AKAP13: variants seen among roughly 807,000 people sequenced by gnomAD.
AKAP13 encodes A-kinase anchor protein 13.
In AKAP13, 80 loss-of-function variants were observed where a neutral mutation model predicts 264.5. That is an observed-to-expected ratio of 0.30 (90% CI 0.25 to 0.36). The LOEUF is 0.36. Ranked by LOEUF, AKAP13 falls within the 10% of genes least tolerant of loss-of-function variation. AKAP13 has a pLI of 1.00. For missense variants in AKAP13, 3,712 were observed against 3,435.2 expected, an observed-to-expected ratio of 1.08 and a Z score of -2.01; for synonymous variants, 1,380 against 1,250.2, an observed-to-expected ratio of 1.10 and a Z score of -2.19.
intron 8 of AKAP13, among the ~76,000 whole-genome samples, chr15:85,598,891 T>C (rs2079934891): frequency 6.6e-6 from 1 of 152,228 alleles, no homozygotes; most frequent in Admixed American, 6.5e-5. Flanking sequence ...ACAGCATTGC[T>C]TGCCTTAAAA....
chr15:85,467,877 C>T (rs2074808402), intron 1 of AKAP13, among the ~76,000 whole-genome samples: 2 of 152,220 alleles, frequency 1.3e-5, no homozygotes, highest in African/African-American at 4.8e-5. Flanking sequence ...TCAGGGTGTG[C>T]TCTCTGTCCT....
chr15:85,450,372 G>C (rs2074044430), intron 1 of AKAP13, among the ~76,000 whole-genome samples: 1 of 151,754 alleles, frequency 6.6e-6, no homozygotes, highest in Non-Finnish European at 1.5e-5. Context: ...CTTCAGTTCA[G>C]CTCTGATTTT....
chr15:85,641,309 G>A (rs1052443364), intron 9 of AKAP13, among the ~76,000 whole-genome samples: 1 of 151,178 alleles, frequency 6.6e-6, no homozygotes, highest in African/African-American at 2.4e-5. Flanking sequence ...AGCCGGGTGT[G>A]GTGGCACGCC....
At chr15:85,630,160 A>AACACAC in intron 8 of AKAP13, among the ~76,000 whole-genome samples, 1 of 112,366 alleles carries the variant, frequency 8.9e-6, no homozygotes, top group South Asian at 3.0e-4. Context: ...TCTGTTTTTT[A>AACACAC]ACACATACAC....
chr15:85,538,621 C>G (rs1476967842), intron 4 of AKAP13, among the ~76,000 whole-genome samples: 1 of 150,454 alleles, frequency 6.6e-6, no homozygotes, highest in African/African-American at 2.4e-5. Context: ...TCCCGAGTAG[C>G]CGGGACTACA....
chr15:85,455,765 T>C (rs1446647830), intron 1 of AKAP13, among the ~76,000 whole-genome samples: 1 of 152,174 alleles, frequency 6.6e-6, no homozygotes, highest in Non-Finnish European at 1.5e-5. Context: ...AATTTGTGTC[T>C]GACACCGAGA....
chr15:85,561,122 A>G (rs533497403), intron 5 of AKAP13, among the ~76,000 whole-genome samples: 43 of 147,190 alleles, frequency 2.9e-4, no homozygotes, highest in African/African-American at 1.0e-3. Context: ...CAACGGCGCA[A>G]TCTCGGCTCA....
chr15:85,496,520 A>G (rs965526927), intron 2 of AKAP13, among the ~76,000 whole-genome samples: 1 of 152,208 alleles, frequency 6.6e-6, no homozygotes, highest in African/African-American at 2.4e-5. Flanking sequence ...TAAATAATCA[A>G]ATTTTTGAAG....
intron 8 of AKAP13, among the ~76,000 whole-genome samples, chr15:85,637,965 T>TC (rs2082139323): frequency 6.9e-6 from 1 of 145,770 alleles, no homozygotes. Context: ...AAGCTTTGCC[T>TC]CCCGGGTTCA....
chr15:85,720,373 A>C (rs1427858668), intron 23 of AKAP13, among the ~76,000 whole-genome samples: 1 of 152,030 alleles, frequency 6.6e-6, no homozygotes, highest in Non-Finnish European at 1.5e-5. Context: ...AGAAAGTTGA[A>C]TAAGTGACTA....
At chr15:85,439,155 C>A (rs542233008) in intron 1 of AKAP13, among the ~76,000 whole-genome samples, 1 of 152,052 alleles carries the variant, frequency 6.6e-6, no homozygotes, top group African/African-American at 2.4e-5. Flanking sequence ...AAAAAGTGGG[C>A]GAAGGACATG....
chr15:85,580,587 T>A lies in AKAP13; in HGVS notation c.2519T>A (p.Leu840Gln). The change falls in exon 7 of 37, where the codon CTA becomes CAA. Residue 840 changes from leucine (L) to glutamine (Q), a missense_variant. Around this residue, in one of 3 missense-constraint regions of AKAP13, gnomAD observed 2,759 missense variants for 2,411.7 expected, o/e 1.14. Transcript: ENST00000394518. ...TCGAATGAGCCTGATACGCGGCCAC[T>A]AGAAGACAGGGCAGTAGGCCTGTCC... is the stretch of plus-strand genomic sequence containing the variant. ...GNSNEPDTRPLEDRAVGLSTS... is the reference protein window; with the variant it reads ...GNSNEPDTRPQEDRAVGLSTS... The A allele has an allele frequency of 6.2e-7, 1 of 1,614,202 alleles. No individual in the cohort carries two copies. The highest frequency in any genetic ancestry group is 8.5e-7 in the Non-Finnish European group (1 of 1,180,032).
At chr15:85,729,905 T>C (rs1431169775) in intron 29 of AKAP13, among the ~76,000 whole-genome samples, 3 of 151,620 alleles carry the variant, frequency 2.0e-5, no homozygotes, top group South Asian at 2.1e-4. Flanking sequence ...GAGTGCACCA[T>C]TGCACTCCAG....
At position 85,579,770 on chromosome 15, in the gene AKAP13, A is replaced by G; in HGVS notation, c.1702A>G (p.Thr568Ala). Residue 568 changes from threonine to alanine, a missense_variant, in exon 7 of 37, where the codon ACG (threonine) becomes GCG (alanine). Physicochemically the swap from Thr to Ala is moderately conservative, Grantham distance 58. Around this residue, in one of 3 missense-constraint regions of AKAP13, gnomAD observed 2,759 missense variants for 2,411.7 expected, o/e 1.14. Coordinates refer to ENST00000394518, the MANE Select transcript of AKAP13 (RefSeq NM_007200.5). ...EETSTEKTAE[T>A]ETSRSREESA... ...AACCTCCACTGAAAAAACAGCAGAA[A>G]CGGAAACTTCACGAAGTCGTGAGGA... 6.2e-7 allele frequency: 1 copy of G among 1,614,202 alleles called. No homozygotes were observed. The highest frequency in any genetic ancestry group is 8.5e-7 in the Non-Finnish European group (1 of 1,180,036).
chr15:85,736,887 T>C (rs2088560962), intron 33 of AKAP13, among the ~76,000 whole-genome samples: 1 of 149,842 alleles, frequency 6.7e-6, no homozygotes, highest in South Asian at 2.1e-4. Flanking sequence ...TTCTTATCCT[T>C]CAAGTACTCA....
intron 4 of AKAP13, chr15:85,535,710 T>A (rs2077367521): frequency 6.6e-6 from 1 of 152,192 alleles, no homozygotes; most frequent in African/African-American, 2.4e-5. Context: ...GCCCAGGAGT[T>A]GGATAGTTTT....
intron 1 of AKAP13, among the ~76,000 whole-genome samples, chr15:85,404,717 GC>G (rs2071586292): frequency 6.6e-6 from 1 of 152,156 alleles, no homozygotes; most frequent in African/African-American, 2.4e-5. Context: ...CCTTTACTGG[GC>G]TAGTGTCACA....
chr15:85,426,964 T>TG (rs2072812146), intron 1 of AKAP13, among the ~76,000 whole-genome samples: 3 of 149,074 alleles, frequency 2.0e-5, no homozygotes, highest in African/African-American at 7.4e-5. Flanking sequence ...TGTTTTTTTT[T>TG]TTTTTTTTGG....
In AKAP13 at chr15:85,734,629, C is replaced by G. The variant is rs117883598; in HGVS notation, c.7283-363C>G. 8.9e-3 allele frequency among the ~76,000 whole-genome samples: 1,356 copies of G among 152,350 alleles called. 7 individuals carry two copies. The highest frequency in any genetic ancestry group is 0.017 in the Admixed American group (261 of 15,310). On this transcript the variant is annotated intron_variant, in intron 30 of 36. Transcript: ENST00000394518. ...CTCCATATTGGCAAAGCCAGAAATC[C>G]TGACTGTTTTACTTGCTGTTCTCAA... is the stretch of plus-strand genomic sequence containing the variant.
Sources: gnomAD v4.1 joint callset for allele counts (sites outside exome capture counted in the v4.1 genomes callset) on GRCh38, gnomAD v4.1.1 for gene constraint, gnomAD v4.1.1 regional missense constraint, MANE v1.5 for transcripts, NCBI Gene and HGNC (gene_info 2026-07-23, HGNC 2026-07-21) for gene names.